SGIP1: variants seen among roughly 807,000 people sequenced by gnomAD.
SGIP1 encodes the protein SH3GL interacting endocytic adaptor 1.
Under a neutral mutation model 107.5 loss-of-function variants are expected in SGIP1, and 38 were observed. That is an observed-to-expected ratio of 0.35 (90% CI 0.27 to 0.46). The LOEUF is 0.46. Among genes scored for constraint, SGIP1 ranks in the 20% least tolerant of loss-of-function variants. The pLI is 1.00. For synonymous variants in SGIP1, 365 were observed against 366.1 expected (o/e 1.00, Z 0.03); for missense variants, 929 against 1,019.5 (o/e 0.91, Z 1.21).
At chr1:66,727,766 C>T (rs2093824508) in intron 19 of SGIP1, among the ~76,000 whole-genome samples, 1 of 151,932 alleles carries the variant, frequency 6.6e-6, no homozygotes, top group Admixed American at 6.6e-5. Flanking sequence ...GTGAAAGAAA[C>T]AAAAAATCAC....
chr1:66,619,913 T>G (rs1178274903), intron 1 of SGIP1, among the ~76,000 whole-genome samples: 4 of 152,210 alleles, frequency 2.6e-5, no homozygotes, highest in Admixed American at 6.5e-5. Flanking sequence ...GAAATAAAAC[T>G]AAACAAGCAA....
At chr1:66,650,230 C>T (rs1258884969) in intron 7 of SGIP1, among the ~76,000 whole-genome samples, 1 of 152,100 alleles carries the variant, frequency 6.6e-6, no homozygotes, top group Admixed American at 6.5e-5. Context: ...AAGGAAGTAT[C>T]CCTAAATTGT....
chr1:66,570,793 A>G (rs1037264722), intron 1 of SGIP1, among the ~76,000 whole-genome samples: 4 of 151,836 alleles, frequency 2.6e-5, no homozygotes, highest in Non-Finnish European at 5.9e-5. Context: ...CTTGTAGTAA[A>G]TTTCCAGTCT....
At chr1:66,726,925 C>T (rs1236997712) in intron 19 of SGIP1, among the ~76,000 whole-genome samples, 1 of 152,064 alleles carries the variant, frequency 6.6e-6, no homozygotes, top group East Asian at 1.9e-4. Context: ...GAGCTATGCT[C>T]ACACGACTGC....
intron 1 of SGIP1, among the ~76,000 whole-genome samples, chr1:66,583,918 A>G (rs981401489): frequency 1.3e-5 from 2 of 152,174 alleles, no homozygotes; most frequent in Admixed American, 6.5e-5. Context: ...TTTCATCTCT[A>G]TGGTGAACTA....
In SGIP1 at chr1:66,745,906, G is replaced by T. The variant is rs1422824975; in HGVS notation, c.*2811G>T. The stretch of plus-strand genomic sequence containing the variant: ...CATAATAGAAATTTATAATTACTAA[G>T]AATTAAATTTTTAATCATTTTTAAA... On this transcript the variant is annotated 3_prime_UTR_variant, in exon 25 of 25. Coordinates refer to ENST00000371037, the MANE Select transcript of SGIP1 (RefSeq NM_032291.4). 1 of 151,998 alleles carries T rather than the reference G, an allele frequency of 6.6e-6. No individual in the cohort carries two copies. The highest frequency in any genetic ancestry group is 2.4e-5 in the African/African-American group (1 of 41,372). 9.4% of individuals were successfully genotyped at this position (151,998 alleles called of 1,614,324 possible).
At position 66,748,679 on chromosome 1, in the gene SGIP1, T is replaced by A. The variant is rs2094585337; in HGVS notation, c.*5584T>A. On this transcript the variant is annotated 3_prime_UTR_variant, in exon 25 of 25. Coordinates refer to ENST00000371037, the MANE Select transcript of SGIP1 (RefSeq NM_032291.4). ...AAAAAATGTTTTGGCAAAAAACAAA[T>A]ATATTTTTAAATGTCCCGTAATGTT... Among the ~76,000 whole-genome samples, 1 of 151,988 alleles carries A rather than the reference T, an allele frequency of 6.6e-6. No individual in the cohort carries two copies. Among genetic ancestry groups the A allele is most frequent in the Admixed American group, 6.6e-5 (1 of 15,258 alleles).
chr1:66,641,801 G>T (rs1350587989), intron 5 of SGIP1, among the ~76,000 whole-genome samples: 1 of 151,860 alleles, frequency 6.6e-6, no homozygotes, highest in Non-Finnish European at 1.5e-5. Context: ...GTTAGAATTA[G>T]TTCAACTGGG....
intron 9 of SGIP1, among the ~76,000 whole-genome samples, chr1:66,669,157 T>C (rs1465756817): frequency 6.6e-6 from 1 of 152,252 alleles, no homozygotes; most frequent in East Asian, 1.9e-4. Context: ...TTCTGCCATG[T>C]TTTGGTTGCA....
chr1:66,699,771 G>T (rs2150206676), intron 18 of SGIP1, among the ~76,000 whole-genome samples: 1 of 152,270 alleles, frequency 6.6e-6, no homozygotes, highest in Admixed American at 6.5e-5. Flanking sequence ...ATGTTCTACT[G>T]TGGAAAGTTA....
chr1:66,623,541 G>A (rs548475490), intron 1 of SGIP1, among the ~76,000 whole-genome samples: 2 of 152,292 alleles, frequency 1.3e-5, no homozygotes, highest in Non-Finnish European at 2.9e-5. Flanking sequence ...ATAGGCTACT[G>A]CACCTGGCCC....
intron 1 of SGIP1, among the ~76,000 whole-genome samples, chr1:66,535,922 C>G (rs1024778645): frequency 6.6e-6 from 1 of 152,112 alleles, no homozygotes; most frequent in Non-Finnish European, 1.5e-5. Flanking sequence ...AAAAATGCAT[C>G]TGCACACATT....
chr1:66,675,685 C>G (rs966259367), intron 12 of SGIP1, among the ~76,000 whole-genome samples: 1 of 151,498 alleles, frequency 6.6e-6, no homozygotes, highest in Non-Finnish European at 1.5e-5. Flanking sequence ...CAGGCACATG[C>G]CACCCCACCT....
At chr1:66,736,999 A>G (rs1242350036) in intron 21 of SGIP1, among the ~76,000 whole-genome samples, 2 of 152,196 alleles carry the variant, frequency 1.3e-5, no homozygotes, top group Non-Finnish European at 2.9e-5. Context: ...GCATAAATTC[A>G]TCACTTACAA....
intron 1 of SGIP1, among the ~76,000 whole-genome samples, chr1:66,570,699 A>T (rs1028821119): frequency 6.6e-6 from 1 of 151,930 alleles, no homozygotes; most frequent in Non-Finnish European, 1.5e-5. Flanking sequence ...TGAGCAAAAC[A>T]TATGTAGTTC....
chr1:66,612,163 G>C (rs889824741), intron 1 of SGIP1, among the ~76,000 whole-genome samples: 1 of 152,204 alleles, frequency 6.6e-6, no homozygotes. Context: ...CATGGTGAGA[G>C]AAAGCAAGAG....
intron 1 of SGIP1, among the ~76,000 whole-genome samples, chr1:66,539,817 A>T (rs866776454): frequency 2.0e-5 from 3 of 152,136 alleles, no homozygotes; most frequent in African/African-American, 7.2e-5. Context: ...CATCTCAAAC[A>T]TATATCCTGG....
intron 1 of SGIP1, among the ~76,000 whole-genome samples, chr1:66,617,271 C>T (rs2069582688): frequency 1.3e-5 from 2 of 152,162 alleles, no homozygotes; most frequent in South Asian, 2.1e-4. Flanking sequence ...TGAAGCATCT[C>T]TTATACCCTA....
At chr1:66,539,759 C>T (rs2054460852) in intron 1 of SGIP1, among the ~76,000 whole-genome samples, 4 of 152,150 alleles carry the variant, frequency 2.6e-5, no homozygotes, top group African/African-American at 7.2e-5. Context: ...CTCTTGTGGT[C>T]CCAGCAAAAC....
Sources: gnomAD v4.1 joint callset for allele counts (sites outside exome capture counted in the v4.1 genomes callset) on GRCh38, gnomAD v4.1.1 for gene constraint, MANE v1.5 for transcripts, NCBI Gene and HGNC (gene_info 2026-07-23, HGNC 2026-07-21) for gene names.